The following EIF1AY variants were observed in gnomAD, a reference collection of about 807,000 sequenced individuals.
EIF1AY encodes the protein eukaryotic translation initiation factor 1A, Y-chromosomal.
For missense variants in EIF1AY, 19 were observed against 30.6 expected (o/e 0.62, Z 0.89); for synonymous variants, 16 against 9.9 (o/e 1.62, Z -1.16).
At chrY:20,585,336 T>G (rs959159525) in intron 4 of EIF1AY, among the ~76,000 whole-genome samples, 1 of 33,609 alleles carries the variant, frequency 3.0e-5, no homozygotes, top group Non-Finnish European at 7.4e-5. Context: ...TGCTATAAAG[T>G]GAGCGGTATA....
intron 4 of EIF1AY, among the ~76,000 whole-genome samples, chrY:20,584,917 G>A (rs2089353680): frequency 3.0e-5 from 1 of 33,124 alleles, no homozygotes; most frequent in Non-Finnish European, 7.4e-5. Flanking sequence ...CCCAAATGCC[G>A]GTCTGTTAAA....
At chrY:20,577,278 A>T in intron 1 of EIF1AY, among the ~76,000 whole-genome samples, 1 of 33,684 alleles carries the variant, frequency 3.0e-5, no homozygotes, top group Non-Finnish European at 7.3e-5. Context: ...TGTTCTCAAT[A>T]AAGAGAGTAT....
intron 1 of EIF1AY, 30 bp from the exon 2 acceptor site, chrY:20,579,578 A>G: frequency 3.5e-6 from 1 of 284,798 alleles, no homozygotes; most frequent in Non-Finnish European, 5.2e-6. Context: ...TTTTTACATT[A>G]ATTTTTTATC....
At chrY:20,589,264 G>C in intron 5 of EIF1AY, 1 of 106,013 alleles carries the variant, frequency 9.4e-6, no homozygotes, top group East Asian at 1.8e-4. Context: ...CCAAGTTCAA[G>C]CTATTTTCCT....
chrY:20,584,577 G>T, intron 4 of EIF1AY, 53 bp downstream of exon 4: 1 of 190,508 alleles, frequency 5.2e-6, no homozygotes, highest in Non-Finnish European at 8.3e-6. Context: ...AGTTGTTAAT[G>T]TTTGGAAGGT....
chrY:20,576,169 C>T (rs2089346789), intron 1 of EIF1AY, among the ~76,000 whole-genome samples: 2 of 33,608 alleles, frequency 6.0e-5, no homozygotes, highest in Admixed American at 5.3e-4. Context: ...ACCGGACGGC[C>T]TGGCTTTCCA....
Position 20,575,903 on chromosome Y carries a change from T to G in EIF1AY, c.16+16T>G. 1 of 380,049 alleles carries G rather than the reference T, an allele frequency of 2.6e-6. No individual in the cohort carries two copies. The highest frequency in any genetic ancestry group is 3.7e-6 in the Non-Finnish European group (1 of 272,322). The allele number at this position is 380,049 out of a possible 400,897, so 94.8% of individuals were successfully genotyped here. A position where few individuals can be genotyped will look rare whatever the true frequency, so the allele number is the denominator to read the frequency against. ...AAGAATAAAGGTACTGCTGTAAGCC[T>G]CTGGGACTATACCTCGGCTTGCTCT... On this transcript the variant is annotated intron_variant, in intron 1 of 6. Transcript: ENST00000361365.
At chrY:20,580,979 C>T (rs777190198) in intron 2 of EIF1AY, among the ~76,000 whole-genome samples, 2 of 33,528 alleles carry the variant, frequency 6.0e-5, no homozygotes, top group Non-Finnish European at 7.4e-5. Context: ...AATTTCTTCA[C>T]GTTTAATTAT....
chrY:20,579,326 C>T, intron 1 of EIF1AY, among the ~76,000 whole-genome samples: 1 of 32,931 alleles, frequency 3.0e-5, no homozygotes, highest in Non-Finnish European at 7.5e-5. Flanking sequence ...ATTCTTATTT[C>T]AGAAGTATCC....
chrY:20,587,776 A>G lies in EIF1AY; in HGVS notation c.256-248A>G, dbSNP rs13447350. On this transcript the variant is annotated intron_variant, in intron 4 of 6. Coordinates refer to ENST00000361365, the MANE Select transcript of EIF1AY (RefSeq NM_004681.4). Reference sequence around the variant, plus strand: ...TGCTTGCCTTTTGTGCTTTTATTAAAGTGAAATCTCTACAATCTTTCCTAA... The same window carrying G: ...TGCTTGCCTTTTGTGCTTTTATTAAGGTGAAATCTCTACAATCTTTCCTAA... 8.4e-3 allele frequency: 514 copies of G among 60,984 alleles called. No homozygotes were observed. In the East Asian group the frequency reaches 0.17, roughly 20 times the overall value. 15.2% of individuals were successfully genotyped at this position (60,984 alleles called of 400,897 possible).
intron 2 of EIF1AY, among the ~76,000 whole-genome samples, chrY:20,581,632 T>A (rs2089350779): frequency 3.0e-5 from 1 of 33,224 alleles, no homozygotes; most frequent in Admixed American, 2.7e-4. Context: ...ATGCCTGGCC[T>A]TTCACTCTTA....
At chrY:20,578,759 T>C (rs1049862113) in intron 1 of EIF1AY, among the ~76,000 whole-genome samples, 5 of 33,494 alleles carry the variant, frequency 1.5e-4, no homozygotes, top group Non-Finnish European at 3.7e-4. Context: ...TTAATATTAC[T>C]GTAATTTGTA....
At chrY:20,587,312 G>A (rs13447348) in intron 4 of EIF1AY, 1 of 33,327 alleles carries the variant, frequency 3.0e-5, no homozygotes, top group East Asian at 7.8e-4. Context: ...TTTTTTTGAA[G>A]GAGTTTCGCT....
At chrY:20,576,008 T>C in intron 1 of EIF1AY, 121 bp downstream of exon 1, 1 of 201,290 alleles carries the variant, frequency 5.0e-6, no homozygotes, top group Middle Eastern at 1.3e-3. Flanking sequence ...CAGCACTGTG[T>C]TCGGGAAAGG....
At chrY:20,585,055 A>G in intron 4 of EIF1AY, among the ~76,000 whole-genome samples, 1 of 33,869 alleles carries the variant, frequency 3.0e-5, no homozygotes, top group East Asian at 7.5e-4. Context: ...ACTTTTTTAA[A>G]TGAGAAAGTG....
At position 20,592,830 on chromosome Y, in the gene EIF1AY, TTATC is replaced by T. The variant is rs2089360081; in HGVS notation, c.*487_*490del. 1 of 33,895 alleles carries T rather than the reference TTATC, an allele frequency of 3.0e-5. No homozygotes were observed. Among genetic ancestry groups the T allele is most frequent in the Non-Finnish European group, 7.3e-5 (1 of 13,683 alleles). The allele number at this position is 33,895 out of a possible 400,897, so 8.5% of individuals were successfully genotyped here. The stretch of plus-strand genomic sequence containing the variant: ...GAAAACATGGACATATTTTTCATAT[TTATC>T]TAGTCATATGTAATTTTATGCTAAC... On this transcript the variant is annotated 3_prime_UTR_variant, in exon 7 of 7. Coordinates refer to ENST00000361365, the MANE Select transcript of EIF1AY (RefSeq NM_004681.4).
At chrY:20,586,585 C>T (rs2124357410) in intron 4 of EIF1AY, 1 of 33,521 alleles carries the variant, frequency 3.0e-5, no homozygotes, top group African/African-American at 1.2e-4. Context: ...TAAAAGCCCA[C>T]ACTGCTTTTT....
intron 1 of EIF1AY, among the ~76,000 whole-genome samples, chrY:20,576,919 GTTTTA>G (rs2089347193): frequency 3.0e-5 from 1 of 33,894 alleles, no homozygotes; most frequent in African/African-American, 1.2e-4. Context: ...GTATAATAAG[GTTTTA>G]TTTTATTTTA....
At chrY:20,579,532 T>G in intron 1 of EIF1AY, 76 bp from the exon 2 acceptor site, 1 of 197,382 alleles carries the variant, frequency 5.1e-6, no homozygotes. Context: ...AAGCCTTATT[T>G]TGTTTTATAG....
Sources: allele counts gnomAD v4.1 joint callset (sites outside exome capture counted in the v4.1 genomes callset), GRCh38; gene constraint gnomAD v4.1.1; transcripts MANE v1.5; gene names NCBI Gene and HGNC (gene_info 2026-07-23, HGNC 2026-07-21).